The following VAT1L variants were observed in gnomAD, a reference collection of about 807,000 sequenced individuals.
The protein encoded by VAT1L is putative NADPH-dependent quinone oxidoreductase VAT1L.
Under a neutral mutation model 44.1 loss-of-function variants are expected in VAT1L, and 34 were observed. That is an observed-to-expected ratio of 0.77 (90% confidence interval 0.59 to 1.03). VAT1L has a LOEUF of 1.03. Ranked by LOEUF, VAT1L falls within the 50% of genes least tolerant of loss-of-function variation. VAT1L has a pLI of 0.00. For synonymous variants in VAT1L, 253 were observed against 202.2 expected, an observed-to-expected ratio of 1.25 and a Z score of -2.13; for missense variants, 615 against 538.8, an observed-to-expected ratio of 1.14 and a Z score of -1.40.
At chr16:77,849,915 T>G (rs1418874666) in intron 3 of VAT1L, among the ~76,000 whole-genome samples, 1 of 152,154 alleles carries the variant, frequency 6.6e-6, no homozygotes, top group Non-Finnish European at 1.5e-5. Flanking sequence ...GAGCAATGAT[T>G]TGAGCGTTTG....
intron 3 of VAT1L, among the ~76,000 whole-genome samples, chr16:77,826,918 G>C (rs1487214003): frequency 6.6e-6 from 1 of 152,060 alleles, no homozygotes; most frequent in Non-Finnish European, 1.5e-5. Context: ...TTTCACTGGA[G>C]GTTTTGCTAG....
intron 3 of VAT1L, among the ~76,000 whole-genome samples, chr16:77,862,077 A>G (rs1178411441): frequency 6.6e-6 from 1 of 152,220 alleles, no homozygotes; most frequent in African/African-American, 2.4e-5. Flanking sequence ...GTGGCATTGT[A>G]AGATATCAGT....
At chr16:77,946,276 G>GCTCTTTTTTT (rs1441996306) in intron 7 of VAT1L, among the ~76,000 whole-genome samples, 529 of 33,776 alleles carry the variant, frequency 0.016, 4 homozygotes, top group Non-Finnish European at 0.023. Flanking sequence ...TAGGTTACTT[G>GCTCTTTTTTT]TTCTTTTTTT....
intron 7 of VAT1L, among the ~76,000 whole-genome samples, chr16:77,969,123 A>G (rs994649645): frequency 1.8e-4 from 28 of 152,146 alleles, no homozygotes; most frequent in Non-Finnish European, 3.2e-4. Flanking sequence ...CTGGCCTGAT[A>G]TTATTATCTT....
intron 4 of VAT1L, among the ~76,000 whole-genome samples, chr16:77,869,876 A>G (rs1259402390): frequency 2.0e-5 from 3 of 152,224 alleles, no homozygotes; most frequent in East Asian, 1.9e-4. Flanking sequence ...GATAGCAGTC[A>G]TAGGTGAAGC....
intron 7 of VAT1L, among the ~76,000 whole-genome samples, chr16:77,968,787 G>A (rs974179652): frequency 6.6e-6 from 1 of 152,022 alleles, no homozygotes; most frequent in East Asian, 1.9e-4. Flanking sequence ...TGTGATAAAG[G>A]ATTAATTTTT....
chr16:77,825,158 C>A, intron 2 of VAT1L, 88 bp from the exon 3 acceptor site: 4 of 1,444,030 alleles, frequency 2.8e-6, no homozygotes, highest in Non-Finnish European at 3.9e-6. Context: ...TGAGCCACAG[C>A]GCCTGGCCAG....
At chr16:77,972,069 G>A in intron 8 of VAT1L, 136 bp downstream of exon 8, 1 of 730,540 alleles carries the variant, frequency 1.4e-6, no homozygotes, top group Non-Finnish European at 2.2e-6. Flanking sequence ...GTAATCAAAT[G>A]ATGTCATACA....
At chr16:77,949,091 G>A (rs113544240) in intron 7 of VAT1L, among the ~76,000 whole-genome samples, 16 of 152,298 alleles carry the variant, frequency 1.1e-4, no homozygotes, top group African/African-American at 3.6e-4. Context: ...GGGGCAGATT[G>A]GAGCACGAAG....
At chr16:77,794,022 C>A (rs971866549) in intron 1 of VAT1L, among the ~76,000 whole-genome samples, 5 of 152,168 alleles carry the variant, frequency 3.3e-5, no homozygotes, top group Non-Finnish European at 7.4e-5. Flanking sequence ...ATCAGGATCA[C>A]AGACTGCTAA....
chr16:77,966,701 T>C (rs369503232), intron 7 of VAT1L, among the ~76,000 whole-genome samples: 1 of 152,232 alleles, frequency 6.6e-6, no homozygotes, highest in East Asian at 1.9e-4. Flanking sequence ...TATTTCAACA[T>C]GTAATAAATG....
intron 3 of VAT1L, among the ~76,000 whole-genome samples, chr16:77,843,437 A>G (rs1302126470): frequency 6.6e-6 from 1 of 152,176 alleles, no homozygotes. Context: ...TTTAGCAAAT[A>G]CAAATTTTAT....
chr16:77,816,698 T>C (rs777457342), intron 1 of VAT1L, among the ~76,000 whole-genome samples: 8 of 152,146 alleles, frequency 5.3e-5, no homozygotes, highest in Non-Finnish European at 1.0e-4. Flanking sequence ...ACAAATGTAT[T>C]GCTTATCTGC....
chr16:77,863,370 A>G (rs570457159), intron 4 of VAT1L, among the ~76,000 whole-genome samples: 1 of 152,372 alleles, frequency 6.6e-6, no homozygotes, highest in East Asian at 1.9e-4. Context: ...CAGAAAGAAC[A>G]CACACCCTTC....
intron 6 of VAT1L, among the ~76,000 whole-genome samples, chr16:77,880,586 A>C (rs1597080604): frequency 5.4e-5 from 4 of 73,552 alleles, no homozygotes; most frequent in Non-Finnish European, 5.3e-5. Flanking sequence ...CGCACGTTCC[A>C]GGGTATTTTT....
chr16:77,810,479 C>A (rs958480623), intron 1 of VAT1L, among the ~76,000 whole-genome samples: 1 of 152,094 alleles, frequency 6.6e-6, no homozygotes, highest in Admixed American at 6.6e-5. Context: ...CCAAAGTACT[C>A]AGAGGTTAAG....
intron 3 of VAT1L, among the ~76,000 whole-genome samples, chr16:77,839,535 C>CAAA (rs71137846): frequency 0.017 from 852 of 49,096 alleles, 20 homozygotes; most frequent in African/African-American, 0.023. Flanking sequence ...TACTCCATAT[C>CAAA]AAAAAAAAAA....
At chr16:77,862,166 T>C (rs1212262462) in intron 3 of VAT1L, among the ~76,000 whole-genome samples, 1 of 152,202 alleles carries the variant, frequency 6.6e-6, no homozygotes. Context: ...ACAGGACATT[T>C]TGTCCTTCCA....
chr16:77,947,686 A>C (rs78139053), intron 7 of VAT1L, among the ~76,000 whole-genome samples: 10 of 152,314 alleles, frequency 6.6e-5, no homozygotes, highest in African/African-American at 2.4e-4. Context: ...TGAATGAGCA[A>C]TGCATTCAGT....
Sources: allele counts gnomAD v4.1 joint callset (sites outside exome capture counted in the v4.1 genomes callset), GRCh38; gene constraint gnomAD v4.1.1; transcripts MANE v1.5; gene names NCBI Gene and HGNC (gene_info 2026-07-23, HGNC 2026-07-21).